The following PSMD1 variants were observed in gnomAD, a reference collection of about 807,000 sequenced individuals.
PSMD1 encodes proteasome 26S subunit, non-ATPase 1, also known as 26S proteasome non-ATPase regulatory subunit 1.
A neutral mutation model predicts 119.0 loss-of-function variants in PSMD1; 18 were observed. The ratio of observed to expected loss-of-function variants is 0.15; its 90% CI spans 0.10 to 0.22. The LOEUF (loss-of-function observed/expected upper bound fraction) is 0.22. Ranked by LOEUF, PSMD1 falls within the 10% of genes least tolerant of loss-of-function variation. The pLI, the probability that PSMD1 is intolerant of heterozygous loss-of-function variation, is 1.00. For synonymous variants in PSMD1, 374 were observed against 396.6 expected, an observed-to-expected ratio of 0.94 and a Z score of 0.68; for missense variants, 702 against 1,158.5, an observed-to-expected ratio of 0.61 and a Z score of 5.72.
At chr2:231,097,233 A>G (rs1049030609) in intron 16 of PSMD1, among the ~76,000 whole-genome samples, 1 of 152,218 alleles carries the variant, frequency 6.6e-6, no homozygotes, top group Non-Finnish European at 1.5e-5. Context: ...GGTATGACAC[A>G]GCACCCAACA....
intron 16 of PSMD1, among the ~76,000 whole-genome samples, chr2:231,115,836 T>C (rs944369161): frequency 1.1e-4 from 17 of 152,170 alleles, no homozygotes; most frequent in Non-Finnish European, 2.5e-4. Context: ...GGTACTTAGA[T>C]ATGCAGGCTC....
At chr2:231,130,390 T>G (rs1695825433) in intron 16 of PSMD1, among the ~76,000 whole-genome samples, 1 of 152,246 alleles carries the variant, frequency 6.6e-6, no homozygotes, top group Non-Finnish European at 1.5e-5. Context: ...TCCTCTCCAC[T>G]GCCCTTCCCT....
chr2:231,152,482 A>T (rs759833924), intron 18 of PSMD1, among the ~76,000 whole-genome samples: 7 of 152,204 alleles, frequency 4.6e-5, no homozygotes, highest in Non-Finnish European at 1.0e-4. Flanking sequence ...AGGTGCTAAC[A>T]TCCCTGTAGA....
intron 16 of PSMD1, among the ~76,000 whole-genome samples, chr2:231,094,470 C>T (rs571102379): frequency 7.9e-5 from 12 of 151,994 alleles, no homozygotes; most frequent in African/African-American, 2.7e-4. Context: ...AGGGTGGGCT[C>T]GAGAATGGAC....
chr2:231,098,803 T>G (rs1219711781), intron 16 of PSMD1, among the ~76,000 whole-genome samples: 1 of 152,232 alleles, frequency 6.6e-6, no homozygotes, highest in Non-Finnish European at 1.5e-5. Context: ...AGTAGCAGTT[T>G]AAGCACCTTT....
intron 16 of PSMD1, among the ~76,000 whole-genome samples, chr2:231,105,824 T>C (rs1267915192): frequency 2.0e-5 from 3 of 152,278 alleles, no homozygotes; most frequent in Non-Finnish European, 2.9e-5. Context: ...TTCATGATCA[T>C]CTTTACATCT....
At chr2:231,109,289 G>T (rs768523447) in intron 16 of PSMD1, 7 of 1,614,118 alleles carry the variant, frequency 4.3e-6, no homozygotes, top group Non-Finnish European at 5.1e-6. Flanking sequence ...TGTGAAGAAG[G>T]CAGCCAGTGA....
intron 16 of PSMD1, among the ~76,000 whole-genome samples, chr2:231,129,296 A>G (rs1336244890): frequency 6.6e-6 from 1 of 152,230 alleles, no homozygotes; most frequent in Non-Finnish European, 1.5e-5. Flanking sequence ...ATTAGAAATG[A>G]AAACAAGTGT....
chr2:231,150,789 A>G (rs1329444106), intron 18 of PSMD1, among the ~76,000 whole-genome samples: 2 of 152,212 alleles, frequency 1.3e-5, no homozygotes, highest in Admixed American at 1.3e-4. Flanking sequence ...CATAAGCACA[A>G]ATATAATTTC....
chr2:231,139,003 G>C, intron 17 of PSMD1, 153 bp downstream of exon 17: 1 of 718,638 alleles, frequency 1.4e-6, no homozygotes, highest in Non-Finnish European at 2.6e-6. Context: ...CCCTCATTCT[G>C]CGATGCTGGA....
chr2:231,122,088 A>T lies in PSMD1; in HGVS notation c.1884-16648A>T, dbSNP rs1329758688. Among the ~76,000 whole-genome samples, 6 of 152,116 alleles carry T rather than the reference A, an allele frequency of 3.9e-5. No homozygotes were observed. In the South Asian group the frequency reaches 1.2e-3, roughly 32 times the overall value. On this transcript the variant is annotated intron_variant, in intron 16 of 24. Transcript: ENST00000308696. ...TTTCTTAATTATTTTTCATGGTTTC[A>T]TGCAGCATTAGATTATTTAAAAGAT...
intron 16 of PSMD1, among the ~76,000 whole-genome samples, chr2:231,117,911 A>AT (rs1336517852): frequency 6.6e-6 from 1 of 152,192 alleles, no homozygotes; most frequent in Admixed American, 6.5e-5. Context: ...ACATGGGGTT[A>AT]TTTAAGGTAT....
At chr2:231,144,964 A>AT (rs1277619587) in intron 17 of PSMD1, among the ~76,000 whole-genome samples, 3 of 152,140 alleles carry the variant, frequency 2.0e-5, no homozygotes, top group African/African-American at 7.2e-5. Flanking sequence ...TTTTCTCTTA[A>AT]TTTTTTATGA....
intron 19 of PSMD1, among the ~76,000 whole-genome samples, chr2:231,156,189 A>G (rs564058575): frequency 6.6e-6 from 1 of 152,266 alleles, no homozygotes; most frequent in East Asian, 1.9e-4. Context: ...AAGTTTTATT[A>G]ATTGGGCTTT....
chr2:231,171,153 C>T (rs1696902046), intron 24 of PSMD1, among the ~76,000 whole-genome samples: 1 of 152,238 alleles, frequency 6.6e-6, no homozygotes, highest in Non-Finnish European at 1.5e-5. Context: ...CCATAGGTGA[C>T]ACTTTTGAGT....
At chr2:231,066,702 C>A (rs1182324541) in intron 4 of PSMD1, among the ~76,000 whole-genome samples, 3 of 152,076 alleles carry the variant, frequency 2.0e-5, no homozygotes, top group African/African-American at 7.2e-5. Flanking sequence ...TGAATAATGT[C>A]AACTGGATTG....
chr2:231,158,385 G>A (rs773491169), intron 19 of PSMD1, among the ~76,000 whole-genome samples: 1 of 152,146 alleles, frequency 6.6e-6, no homozygotes, highest in Non-Finnish European at 1.5e-5. Context: ...GAATGAAGTT[G>A]AAGTTTATGA....
intron 17 of PSMD1, chr2:231,139,058 G>T: frequency 3.2e-6 from 2 of 626,038 alleles, no homozygotes. Flanking sequence ...TACATGGATA[G>T]CTGTAACTGA....
chr2:231,116,547 A>G (rs1027442118), intron 16 of PSMD1, among the ~76,000 whole-genome samples: 3 of 152,046 alleles, frequency 2.0e-5, no homozygotes, highest in Non-Finnish European at 1.5e-5. Flanking sequence ...TCTAGTTGCC[A>G]TAAGCAGGAA....
Sources: allele counts gnomAD v4.1 joint callset (sites outside exome capture counted in the v4.1 genomes callset), GRCh38; gene constraint gnomAD v4.1.1; transcripts MANE v1.5; gene names NCBI Gene and HGNC (gene_info 2026-07-23, HGNC 2026-07-21).